The following KATNIP variants were observed in gnomAD, a reference collection of about 807,000 sequenced individuals.
The protein encoded by KATNIP is katanin-interacting protein.
KATNIP carries 126 observed loss-of-function variants against 174.0 expected under a neutral mutation model. That is an observed-to-expected ratio of 0.72 (90% CI 0.63 to 0.84). The LOEUF is 0.84. Among genes scored for constraint, KATNIP ranks in the 40% least tolerant of loss-of-function variants. The probability of loss-of-function intolerance (pLI) is 0.00; values close to 1 mark genes in which losing one functional copy is unlikely to be tolerated. For synonymous variants in KATNIP, 810 were observed against 835.7 expected, an observed-to-expected ratio of 0.97 and a Z score of 0.53; for missense variants, 1,958 against 2,109.7, an observed-to-expected ratio of 0.93 and a Z score of 1.41.
intron 6 of KATNIP, among the ~76,000 whole-genome samples, chr16:27,651,742 G>A (rs765146093): frequency 5.9e-5 from 9 of 152,070 alleles, no homozygotes; most frequent in Non-Finnish European, 1.0e-4. Flanking sequence ...ATTTTGAGAC[G>A]TTGTCTCACT....
chr16:27,588,169 G>A (rs1366869079), intron 2 of KATNIP, among the ~76,000 whole-genome samples: 2 of 151,746 alleles, frequency 1.3e-5, no homozygotes, highest in African/African-American at 4.8e-5. Context: ...TGGGATTACC[G>A]CTGGGAGCCA....
chr16:27,721,845 C>T, intron 14 of KATNIP, 150 bp downstream of exon 14: 2 of 861,530 alleles, frequency 2.3e-6, no homozygotes, highest in Non-Finnish European at 1.8e-6. Context: ...GGTAGGTTCA[C>T]ACTGCATTCT....
At chr16:27,589,264 C>G (rs2075096654) in intron 2 of KATNIP, among the ~76,000 whole-genome samples, 1 of 152,054 alleles carries the variant, frequency 6.6e-6, no homozygotes, top group Admixed American at 6.6e-5. Flanking sequence ...TAGCAAAATA[C>G]CCAACTAATA....
At chr16:27,660,070 G>A (rs946021650) in intron 6 of KATNIP, 12 of 922,418 alleles carry the variant, frequency 1.3e-5, no homozygotes, top group African/African-American at 1.8e-5. Flanking sequence ...GACAGATTCC[G>A]CAAGCCTGGG....
At chr16:27,673,682 T>C (rs565656222) in intron 6 of KATNIP, among the ~76,000 whole-genome samples, 1 of 152,264 alleles carries the variant, frequency 6.6e-6, no homozygotes, top group East Asian at 1.9e-4. Context: ...ATCAAAAAAA[T>C]CTCAAGTCAT....
At position 27,699,741 on chromosome 16, in the gene KATNIP, A is replaced by G. The variant is rs1391148846; in HGVS notation, c.1179+142A>G. The G allele has an allele frequency of 3.7e-6, 4 of 1,071,490 alleles. No homozygotes were observed. The African/African-American group carries it at 6.3e-5, about 17-fold the overall frequency. 66.4% of individuals were successfully genotyped at this position (1,071,490 alleles called of 1,614,324 possible). ...AGGGCGCTTTCCTTCACACTGTCCTACCAGGTCCTCACTGTGTGCCCTGAG... is the reference window on the plus strand; with the variant it reads ...AGGGCGCTTTCCTTCACACTGTCCTGCCAGGTCCTCACTGTGTGCCCTGAG... On this transcript the variant is annotated intron_variant, in intron 10 of 27. Transcript: ENST00000261588.
intron 19 of KATNIP, among the ~76,000 whole-genome samples, chr16:27,763,619 C>CAAAAAAAAA (rs565418198): frequency 1.8e-4 from 9 of 50,476 alleles, no homozygotes; most frequent in African/African-American, 4.9e-4. Flanking sequence ...TGTCTCAACA[C>CAAAAAAAAA]AAAAAAAAAA....
chr16:27,617,547 G>A (rs1191116068), intron 2 of KATNIP, among the ~76,000 whole-genome samples: 1 of 152,212 alleles, frequency 6.6e-6, no homozygotes, highest in Middle Eastern at 3.2e-3. Context: ...ATCTACGGAA[G>A]CCAGTGAACT....
chr16:27,590,513 G>T (rs1023296534), intron 2 of KATNIP, among the ~76,000 whole-genome samples: 1 of 151,976 alleles, frequency 6.6e-6, no homozygotes, highest in African/African-American at 2.4e-5. Flanking sequence ...CAATACTTAC[G>T]GGCAGAGGGT....
Position 27,740,804 on chromosome 16 carries a change from A to T in KATNIP, c.2507A>T (p.Asp836Val). The T allele has an allele frequency of 1.2e-6, 2 of 1,614,160 alleles. No individual in the cohort carries two copies. The highest frequency in any genetic ancestry group is 1.7e-6 in the Non-Finnish European group (2 of 1,180,000). The part of the protein sequence containing the change: ...PQRATTKVHS[D>V]DSDIFNQPPN... ...AGGGCAACCACCAAAGTCCACAGTGATGACTCAGACATCTTTAACCAGCCC... is the reference window on the plus strand; with the variant it reads ...AGGGCAACCACCAAAGTCCACAGTGTTGACTCAGACATCTTTAACCAGCCC... Residue 836 changes from aspartate (D) to valine (V), a missense_variant, in exon 15 of 28, where the codon GAT (aspartate) becomes GTT (valine). Asp to Val is a radical substitution (Grantham distance 152, BLOSUM62 -3). Transcript: ENST00000261588.
At chr16:27,773,329 G>A (rs758315363) in intron 23 of KATNIP, 120 bp downstream of exon 23, 15 of 659,740 alleles carry the variant, frequency 2.3e-5, no homozygotes, top group African/African-American at 5.5e-5. Context: ...AGAGCCCAGG[G>A]GGCTTTGCTT....
At position 27,721,647 on chromosome 16, in the gene KATNIP, C is replaced by CT; in HGVS notation, c.1697dup (p.His567ProfsTer14). Reference sequence around the variant, plus strand: ...TTCGAAACACAAGACAGCTGGGGGACTTCCATCTGGCCAAGATCAAGGTTC... The same window carrying CT: ...TTCGAAACACAAGACAGCTGGGGGACTTTCCATCTGGCCAAGATCAAGGTTC... On this transcript the variant is annotated frameshift_variant, in exon 14 of 28. Coordinates refer to ENST00000261588, the MANE Select transcript of KATNIP (RefSeq NM_015202.5). LOFTEE classifies it high-confidence loss of function. The CT allele has an allele frequency of 6.2e-7, 1 of 1,614,204 alleles. No homozygotes were observed. The highest frequency in any genetic ancestry group is 8.5e-7 in the Non-Finnish European group (1 of 1,180,042).
Position 27,723,298 on chromosome 16 carries a change from C to A in KATNIP, c.1743+1603C>A, listed in dbSNP as rs2080311050. Among the ~76,000 whole-genome samples the A allele has an allele frequency of 1.3e-5, 2 of 152,178 alleles. 1 individual carries two copies. Among genetic ancestry groups the A allele is most frequent in the Admixed American group, 1.3e-4 (2 of 15,284 alleles). On this transcript the variant is annotated intron_variant, in intron 14 of 27. Transcript: ENST00000261588. Reference sequence around the variant, plus strand: ...GCCTCCTAATCCCCTCATGCCAGGCCTTGCCTCTCTCTTGTCAGAATGCAG... The same window carrying A: ...GCCTCCTAATCCCCTCATGCCAGGCATTGCCTCTCTCTTGTCAGAATGCAG...
intron 1 of KATNIP, among the ~76,000 whole-genome samples, chr16:27,552,199 G>T (rs2089408727): frequency 6.6e-6 from 1 of 152,050 alleles, no homozygotes; most frequent in Admixed American, 6.6e-5. Flanking sequence ...TCTCATTTCT[G>T]CTTCAGGATT....
chr16:27,578,324 C>T (rs1396116358), intron 2 of KATNIP, among the ~76,000 whole-genome samples: 1 of 152,148 alleles, frequency 6.6e-6, no homozygotes, highest in East Asian at 1.9e-4. Flanking sequence ...CAGAGTGAGA[C>T]TCTATCTCAA....
chr16:27,656,935 A>G (rs1056454053), intron 6 of KATNIP, among the ~76,000 whole-genome samples: 2 of 137,176 alleles, frequency 1.5e-5, no homozygotes, highest in South Asian at 4.5e-4. Context: ...CTTAAAGTAT[A>G]AAAAAAAAAA....
chr16:27,705,011 A>G (rs1015670634), intron 12 of KATNIP, among the ~76,000 whole-genome samples: 5 of 150,676 alleles, frequency 3.3e-5, no homozygotes, highest in Non-Finnish European at 7.4e-5. Context: ...CCCAGGTTCA[A>G]ACTATTCTCC....
At chr16:27,627,949 AGGT>A (rs1245846327) in intron 3 of KATNIP, among the ~76,000 whole-genome samples, 1 of 152,214 alleles carries the variant, frequency 6.6e-6, no homozygotes, top group Non-Finnish European at 1.5e-5. Flanking sequence ...ACCAGGCCCA[AGGT>A]GTAAGGATGG....
In KATNIP at chr16:27,677,622, A is replaced by G. The variant is rs1597144563; in HGVS notation, c.541-107A>G. ...ACAAGGGTTGAGATAATATTGTTAA[A>G]TGTTAGTTTGGGGAGAATAATTCTT... On this transcript the variant is annotated intron_variant, in intron 6 of 27. Transcript: ENST00000261588. 3.4e-6 allele frequency: 4 copies of G among 1,166,198 alleles called. No homozygotes were observed. In the East Asian group the frequency reaches 7.4e-5, roughly 22 times the overall value. 72.2% of individuals were successfully genotyped at this position (1,166,198 alleles called of 1,614,324 possible). A position where few individuals can be genotyped will look rare whatever the true frequency, so the allele number is the denominator to read the frequency against.
Sources: allele counts gnomAD v4.1 joint callset (sites outside exome capture counted in the v4.1 genomes callset), GRCh38; gene constraint gnomAD v4.1.1; transcripts MANE v1.5; gene names NCBI Gene and HGNC (gene_info 2026-07-23, HGNC 2026-07-21).